SLC5A3: variants seen among roughly 807,000 people sequenced by gnomAD.
SLC5A3 encodes sodium/myo-inositol cotransporter.
A neutral mutation model predicts 43.2 loss-of-function variants in SLC5A3; 10 were observed. The observed-to-expected ratio is 0.23, with a 90% CI of 0.14 to 0.39. The LOEUF (loss-of-function observed/expected upper bound fraction) is 0.39. Ranked by LOEUF, SLC5A3 falls within the 10% of genes least tolerant of loss-of-function variation. The pLI, the probability that SLC5A3 is intolerant of heterozygous loss-of-function variation, is 1.00. For synonymous variants in SLC5A3, 349 were observed against 322.0 expected, an observed-to-expected ratio of 1.08 and a Z score of -0.90; for missense variants, 608 against 893.4, an observed-to-expected ratio of 0.68 and a Z score of 4.07.
intron 1 of SLC5A3, among the ~76,000 whole-genome samples, chr21:34,092,961 T>A (rs1300498820): frequency 6.6e-6 from 1 of 152,236 alleles, no homozygotes; most frequent in Non-Finnish European, 1.5e-5. Flanking sequence ...CAGGGTTTCA[T>A]AACTGCGAAC....
chr21:34,088,312 G>T (rs1978501365), intron 1 of SLC5A3, among the ~76,000 whole-genome samples: 1 of 152,198 alleles, frequency 6.6e-6, no homozygotes, highest in Admixed American at 6.5e-5. Flanking sequence ...AAGGCAGAAA[G>T]CGTTGAACTT....
At chr21:34,084,151 A>G (rs1039094397) in intron 1 of SLC5A3, among the ~76,000 whole-genome samples, 1 of 152,154 alleles carries the variant, frequency 6.6e-6, no homozygotes, top group Non-Finnish European at 1.5e-5. Flanking sequence ...ATATTCTCCA[A>G]ACCTTGGAGA....
intron 1 of SLC5A3, among the ~76,000 whole-genome samples, chr21:34,087,521 T>C (rs527737750): frequency 1.1e-3 from 165 of 152,262 alleles, no homozygotes; most frequent in Non-Finnish European, 2.0e-3. Flanking sequence ...AGAAGAAACG[T>C]TTAAGTTTTA....
At chr21:34,091,560 T>C (rs1978695271) in intron 1 of SLC5A3, among the ~76,000 whole-genome samples, 1 of 152,188 alleles carries the variant, frequency 6.6e-6, no homozygotes, top group African/African-American at 2.4e-5. Context: ...TACCTTTTTT[T>C]CTCTTTCTAT....
Position 34,098,425 on chromosome 21 carries a change from T to G in SLC5A3, c.*1070T>G. On this transcript the variant is annotated 3_prime_UTR_variant, in exon 2 of 2. Coordinates refer to ENST00000381151, the MANE Select transcript of SLC5A3 (RefSeq NM_006933.7). ...TGAATTTTTAGAGGGAAAATTTAATTCTGATATCTTATTGCATCCTTGATA... is the reference window on the plus strand; with the variant it reads ...TGAATTTTTAGAGGGAAAATTTAATGCTGATATCTTATTGCATCCTTGATA... 1 of 1,000,208 alleles carries G rather than the reference T, an allele frequency of 1.0e-6. No homozygotes were observed. Among genetic ancestry groups the G allele is most frequent in the Non-Finnish European group, 1.2e-6 (1 of 829,922 alleles). 62.0% of individuals were successfully genotyped at this position (1,000,208 alleles called of 1,614,324 possible). A position where few individuals can be genotyped will look rare whatever the true frequency, so the allele number is the denominator to read the frequency against.
At position 34,096,476 on chromosome 21, in the gene SLC5A3, G is replaced by A; in HGVS notation, c.1278G>A (p.Val426=). The A allele has an allele frequency of 6.2e-7, 1 of 1,614,158 alleles. No homozygotes were observed. The highest frequency in any genetic ancestry group is 8.5e-7 in the Non-Finnish European group (1 of 1,180,008). Residue 426 remains valine (V), a synonymous_variant, in exon 2 of 2, where the codon GTG becomes GTA. Coordinates refer to ENST00000381151, the MANE Select transcript of SLC5A3 (RefSeq NM_006933.7). This position sits in a 1 kb window ranked among gnomAD's most constrained non-coding sequence, Gnocchi z 5.9. ...TGGTGGTGATCAGCATAGCATGGGTGCCAATCATCGTGGAGATGCAAGGAG... is the reference window on the plus strand; with the variant it reads ...TGGTGGTGATCAGCATAGCATGGGTACCAATCATCGTGGAGATGCAAGGAG... The part of the protein sequence containing the change: ...AFMVVISIAW[V]PIIVEMQGGQ...
chr21:34,100,484 C>T lies in SLC5A3; in HGVS notation c.*3129C>T. 6.0e-6 allele frequency: 6 copies of T among 1,000,192 alleles called. No individual in the cohort carries two copies. The highest frequency in any genetic ancestry group is 7.2e-6 in the Non-Finnish European group (6 of 829,958). 62.0% of individuals were successfully genotyped at this position (1,000,192 alleles called of 1,614,324 possible). A position where few individuals can be genotyped will look rare whatever the true frequency, so the allele number is the denominator to read the frequency against. ...CAAGCAATAGCAATGGTGCTGTGTCCTTCGGCCTAAATTCAATAGATCTCA... is the reference window on the plus strand; with the variant it reads ...CAAGCAATAGCAATGGTGCTGTGTCTTTCGGCCTAAATTCAATAGATCTCA... On this transcript the variant is annotated 3_prime_UTR_variant, in exon 2 of 2. Transcript: ENST00000381151.
intron 1 of SLC5A3, among the ~76,000 whole-genome samples, chr21:34,089,816 T>C (rs1286296367): frequency 6.6e-6 from 1 of 152,228 alleles, no homozygotes; most frequent in Non-Finnish European, 1.5e-5. Flanking sequence ...GTATAATTAA[T>C]AACTTTTAAA....
chr21:34,089,769 T>G (rs2148657022), intron 1 of SLC5A3, among the ~76,000 whole-genome samples: 1 of 152,332 alleles, frequency 6.6e-6, no homozygotes. Flanking sequence ...CCCATCAGAA[T>G]ACAGCTTCAG....
chr21:34,075,613 A>G (rs1183730886), intron 1 of SLC5A3, among the ~76,000 whole-genome samples: 7 of 152,228 alleles, frequency 4.6e-5, no homozygotes, highest in Non-Finnish European at 1.5e-5. Context: ...AAGAGGCCCC[A>G]TGGCAGTAGA....
chr21:34,093,650 AG>A (rs2148658608), intron 1 of SLC5A3, among the ~76,000 whole-genome samples: 1 of 152,302 alleles, frequency 6.6e-6, no homozygotes, highest in African/African-American at 2.4e-5. Flanking sequence ...GAAATCATTT[AG>A]AAGTTAATGT....
chr21:34,090,198 A>T (rs1027109234), intron 1 of SLC5A3, among the ~76,000 whole-genome samples: 3 of 152,236 alleles, frequency 2.0e-5, no homozygotes, highest in African/African-American at 7.2e-5. Context: ...GGCCAGTTAT[A>T]TTAGGAAAAC....
In SLC5A3 at chr21:34,082,355, A is replaced by G. The variant is rs1006327132; in HGVS notation, c.-337+8610A>G. ...AGGCTAAAATATACATGTAGGCTTC[A>G]GAGCTGCACCGTGTAAACTGTGAGG... On this transcript the variant is annotated intron_variant, in intron 1 of 1. Coordinates refer to ENST00000381151, the MANE Select transcript of SLC5A3 (RefSeq NM_006933.7). Among the ~76,000 whole-genome samples, 5 of 152,210 alleles carry G rather than the reference A, an allele frequency of 3.3e-5. 1 individual carries two copies. Among genetic ancestry groups the G allele is most frequent in the African/African-American group, 1.2e-4 (5 of 41,450 alleles).
At position 34,101,642 on chromosome 21, in the gene SLC5A3, T is replaced by C. The variant is rs2850042; in HGVS notation, c.*4287T>C. On this transcript the variant is annotated 3_prime_UTR_variant, in exon 2 of 2. Transcript: ENST00000381151. ...TAGCAAATTCAAATTTTGATTTTTT[T>C]GTCAGCTTAGTTCACTTTAAGGCAT... The C allele has an allele frequency of 1.0e-6, 1 of 1,000,246 alleles. No individual in the cohort carries two copies. The highest frequency in any genetic ancestry group is 1.7e-5 in the African/African-American group (1 of 57,368). The allele number at this position is 1,000,246 out of a possible 1,614,324, so 62.0% of individuals were successfully genotyped here.
chr21:34,080,244 T>A (rs1989428836), intron 1 of SLC5A3, among the ~76,000 whole-genome samples: 1 of 152,218 alleles, frequency 6.6e-6, no homozygotes, highest in Non-Finnish European at 1.5e-5. Context: ...CCCATACTAA[T>A]TGATTGTATC....
Position 34,101,793 on chromosome 21 carries a change from C to A in SLC5A3, c.*4438C>A. On this transcript the variant is annotated 3_prime_UTR_variant, in exon 2 of 2. Transcript: ENST00000381151. ...TTTCTGTTAGCTTAAAATGTTAATT[C>A]TCAGGAATGATTTTCTCACACTTTG... 1.0e-6 allele frequency: 1 copy of A among 996,446 alleles called. No individual in the cohort carries two copies. Among genetic ancestry groups the A allele is most frequent in the South Asian group, 4.7e-5 (1 of 21,170 alleles). The allele number at this position is 996,446 out of a possible 1,614,324, so 61.7% of individuals were successfully genotyped here.
chr21:34,075,278 T>C (rs889255308), intron 1 of SLC5A3, among the ~76,000 whole-genome samples: 2 of 152,228 alleles, frequency 1.3e-5, no homozygotes, highest in Admixed American at 6.5e-5. Flanking sequence ...CTGTAGGCAA[T>C]AATATTTGCT....
Position 34,102,991 on chromosome 21 carries a change from T to C in SLC5A3, c.*5636T>C. The C allele has an allele frequency of 2.0e-6, 2 of 1,000,014 alleles. No individual in the cohort carries two copies. Among genetic ancestry groups the C allele is most frequent in the Non-Finnish European group, 2.4e-6 (2 of 829,852 alleles). The allele number at this position is 1,000,014 out of a possible 1,614,324, so 61.9% of individuals were successfully genotyped here. ...GGATAAAAGAGTGTTTACTTTTTAT[T>C]GCTCTTAGACAGAGTAGTCTAGATA... On this transcript the variant is annotated 3_prime_UTR_variant, in exon 2 of 2. Transcript: ENST00000381151.
At chr21:34,090,270 T>C (rs1314859469) in intron 1 of SLC5A3, among the ~76,000 whole-genome samples, 1 of 152,242 alleles carries the variant, frequency 6.6e-6, no homozygotes, top group Non-Finnish European at 1.5e-5. Flanking sequence ...ATTTTTAAAG[T>C]AAGCAGGGGT....
Sources: gnomAD v4.1 joint callset for allele counts (sites outside exome capture counted in the v4.1 genomes callset) on GRCh38, gnomAD v4.1.1 for gene constraint, Gnocchi (gnomAD v3.1) non-coding constraint, MANE v1.5 for transcripts, NCBI Gene and HGNC (gene_info 2026-07-23, HGNC 2026-07-21) for gene names.